CCDC171: variants seen among roughly 807,000 people sequenced by gnomAD.
The protein encoded by CCDC171 is coiled-coil domain-containing protein 171.
In CCDC171, 177 loss-of-function variants were observed where a neutral mutation model predicts 168.2. The observed-to-expected ratio is 1.05, with a 90% CI of 0.93 to 1.19. The LOEUF is 1.19. Ranked by LOEUF, CCDC171 falls within the 50% of genes most tolerant of loss-of-function variation. The probability of loss-of-function intolerance (pLI) is 0.00; values close to 1 mark genes in which losing one functional copy is unlikely to be tolerated. For missense variants in CCDC171, 1,991 were observed against 1,539.0 expected, an observed-to-expected ratio of 1.29 and a Z score of -4.91; for synonymous variants, 687 against 540.8, an observed-to-expected ratio of 1.27 and a Z score of -3.75.
chr9:15,631,265 A>G (rs192452201), intron 7 of CCDC171, among the ~76,000 whole-genome samples: 1 of 151,948 alleles, frequency 6.6e-6, no homozygotes, highest in South Asian at 2.1e-4. Flanking sequence ...CAAAATTGAT[A>G]GACAGCTAGC....
At chr9:15,842,242 A>C (rs764255846) in intron 21 of CCDC171, among the ~76,000 whole-genome samples, 2 of 152,006 alleles carry the variant, frequency 1.3e-5, no homozygotes, top group Non-Finnish European at 2.9e-5. Context: ...AAAATCTATA[A>C]AAGCAATATC....
At chr9:15,807,405 A>T (rs2059129332) in intron 21 of CCDC171, among the ~76,000 whole-genome samples, 1 of 152,170 alleles carries the variant, frequency 6.6e-6, no homozygotes. Context: ...TTATTCAGAT[A>T]AGCAGTTATT....
chr9:15,666,384 A>C, intron 9 of CCDC171, 61 bp downstream of exon 9: 1 of 1,177,498 alleles, frequency 8.5e-7, no homozygotes. Context: ...AGCTATATAA[A>C]ATATGAATGT....
At chr9:15,885,064 T>C (rs1328435464) in intron 24 of CCDC171, among the ~76,000 whole-genome samples, 2 of 152,226 alleles carry the variant, frequency 1.3e-5, no homozygotes, top group African/African-American at 2.4e-5. Context: ...AATAATCATA[T>C]AAAGTAATGC....
chr9:15,970,254 TC>T (rs1316708236), intron 25 of CCDC171, among the ~76,000 whole-genome samples: 2 of 152,202 alleles, frequency 1.3e-5, no homozygotes, highest in Non-Finnish European at 2.9e-5. Flanking sequence ...CAGTTGAATT[TC>T]TAATATGTTC....
chr9:15,662,759 G>A (rs564692691), intron 8 of CCDC171, among the ~76,000 whole-genome samples: 1 of 152,026 alleles, frequency 6.6e-6, no homozygotes, highest in Non-Finnish European at 1.5e-5. Context: ...GCAAATCATT[G>A]GAGGTCAGGA....
At chr9:16,076,768 C>T in the CCDC171 span, among the ~76,000 whole-genome samples, 1 of 152,194 alleles carries the variant, frequency 6.6e-6, no homozygotes, top group Non-Finnish European at 1.5e-5. Flanking sequence ...CAAGTCCACT[C>T]TGGTTAATGG....
chr9:15,942,268 A>G (rs1251716233), intron 25 of CCDC171, among the ~76,000 whole-genome samples: 1 of 151,976 alleles, frequency 6.6e-6, no homozygotes, highest in Non-Finnish European at 1.5e-5. Flanking sequence ...ATAAATTCCA[A>G]ATTATGTGGA....
chr9:15,734,249 T>G (rs1345804841), intron 16 of CCDC171, among the ~76,000 whole-genome samples: 2 of 152,180 alleles, frequency 1.3e-5, no homozygotes, highest in African/African-American at 4.8e-5. Flanking sequence ...CTATTATAAA[T>G]TGGAGGCTGA....
intron 16 of CCDC171, among the ~76,000 whole-genome samples, chr9:15,735,722 A>G (rs1307377149): frequency 6.6e-6 from 1 of 152,140 alleles, no homozygotes; most frequent in East Asian, 1.9e-4. Context: ...AGTGGAGCTT[A>G]TTGATATTGT....
chr9:15,707,859 T>C (rs1432136587), intron 11 of CCDC171, among the ~76,000 whole-genome samples: 4 of 152,218 alleles, frequency 2.6e-5, no homozygotes, highest in Admixed American at 6.5e-5. Flanking sequence ...ATTAATATTA[T>C]TATTTTGAGA....
At chr9:15,871,167 A>G (rs1318490109) in intron 23 of CCDC171, among the ~76,000 whole-genome samples, 2 of 151,858 alleles carry the variant, frequency 1.3e-5, no homozygotes, top group Admixed American at 6.6e-5. Context: ...ATGATATTGC[A>G]TGATTTTAAA....
chr9:15,851,608 C>T (rs2061131538), intron 23 of CCDC171, among the ~76,000 whole-genome samples: 1 of 151,800 alleles, frequency 6.6e-6, no homozygotes, highest in Admixed American at 6.6e-5. Flanking sequence ...TTGAAAACAA[C>T]TCACCAGTTT....
chr9:15,594,715 G>A (rs2042218497), intron 6 of CCDC171, among the ~76,000 whole-genome samples: 1 of 152,118 alleles, frequency 6.6e-6, no homozygotes, highest in South Asian at 2.1e-4. Flanking sequence ...GTTATAGACT[G>A]AATGATTAAT....
intron 7 of CCDC171, among the ~76,000 whole-genome samples, chr9:15,643,268 G>T (rs905048798): frequency 1.3e-5 from 2 of 151,992 alleles, no homozygotes; most frequent in Admixed American, 1.3e-4. Context: ...TAGGTACTGA[G>T]AAAACTGACT....
chr9:15,602,647 CTTTTTTTTTTTTT>C (rs1161286304), intron 6 of CCDC171, among the ~76,000 whole-genome samples: 25 of 30,500 alleles, frequency 8.2e-4, no homozygotes, highest in Non-Finnish European at 1.4e-3. Flanking sequence ...TTTTTTTTTT[CTTTTTTTTTTTTT>C]TTTTTTTTTT....
intron 3 of CCDC171, among the ~76,000 whole-genome samples, chr9:15,572,675 C>A (rs1158618133): frequency 6.6e-6 from 1 of 152,156 alleles, no homozygotes; most frequent in Non-Finnish European, 1.5e-5. Flanking sequence ...GTGAAACTGG[C>A]TACTACTTTG....
chr9:15,640,044 T>A (rs7049101), intron 7 of CCDC171, among the ~76,000 whole-genome samples: 70,236 of 151,436 alleles, frequency 0.46, 16,705 homozygotes, highest in East Asian at 0.76. Context: ...ACTCTATAAA[T>A]GTTCCATTCT....
chr9:15,673,336 G>A (rs140582046), intron 9 of CCDC171, among the ~76,000 whole-genome samples: 2 of 152,032 alleles, frequency 1.3e-5, no homozygotes, highest in Admixed American at 6.5e-5. Flanking sequence ...AATTGAATAC[G>A]CTTTATTTCT....
Sources: allele counts gnomAD v4.1 joint callset (sites outside exome capture counted in the v4.1 genomes callset), GRCh38; gene constraint gnomAD v4.1.1; transcripts MANE v1.5; gene names NCBI Gene and HGNC (gene_info 2026-07-23, HGNC 2026-07-21).